F2: variants seen among roughly 807,000 people sequenced by gnomAD.
F2 encodes the protein coagulation factor II, thrombin.
A neutral mutation model predicts 81.9 loss-of-function variants in F2; 34 were observed. That is an observed-to-expected ratio of 0.42 (90% CI 0.32 to 0.55). F2 has a LOEUF of 0.55. Among genes scored for constraint, F2 ranks in the 20% least tolerant of loss-of-function variants. F2 has a pLI of 0.18. For missense variants in F2, 630 were observed against 833.4 expected (o/e 0.76, Z 3.00); for synonymous variants, 296 against 326.4 (o/e 0.91, Z 1.01).
chr11:46,730,128 C>T (rs1186282167), intron 12 of F2, among the ~76,000 whole-genome samples: 4 of 151,990 alleles, frequency 2.6e-5, no homozygotes, highest in Admixed American at 6.6e-5. Context: ...GGTGAAACCC[C>T]GTCTCTACTA....
Position 46,723,493 on chromosome 11 carries a change from G to A in F2, c.534G>A (p.Arg178=), listed in dbSNP as rs760307675. ...WCYTTDPTVR[R]QECSIPVCGQ... is the part of the protein sequence containing the mutation. ...ACACTACAGACCCCACCGTGAGGAG[G>A]CAGGAATGCAGCATCCCTGTCTGTG... is the stretch of plus-strand genomic sequence containing the variant. Residue 178 remains arginine, a synonymous_variant, in exon 6 of 14, where the codon AGG becomes AGA. Coordinates refer to ENST00000311907, the MANE Select transcript of F2 (RefSeq NM_000506.5). The surrounding 1 kb of genome is among the most constrained non-coding windows in gnomAD (Gnocchi z 5.6). 40 of 1,613,794 alleles carry A rather than the reference G, an allele frequency of 2.5e-5. No homozygotes were observed. The Admixed American group carries it at 6.7e-4, about 27-fold the overall frequency.
At chr11:46,732,022 TCTC>T (rs772026335) in intron 12 of F2, among the ~76,000 whole-genome samples, 4 of 150,988 alleles carry the variant, frequency 2.6e-5, no homozygotes, top group Non-Finnish European at 4.4e-5. Context: ...TTCAAGTGAT[TCTC>T]CTGCCTCAGC....
At chr11:46,730,197 G>A (rs1403763103) in intron 12 of F2, among the ~76,000 whole-genome samples, 1 of 151,016 alleles carries the variant, frequency 6.6e-6, no homozygotes, top group Non-Finnish European at 1.5e-5. Flanking sequence ...CTACTCAGGA[G>A]GCTGAGGCAG....
intron 12 of F2, among the ~76,000 whole-genome samples, chr11:46,736,663 G>T: frequency 6.6e-6 from 1 of 152,290 alleles, no homozygotes; most frequent in South Asian, 2.1e-4. Flanking sequence ...TGTTCGACTC[G>T]GCTTTCCTGG....
At chr11:46,736,203 AAATCAATC>A (rs3136528) in intron 12 of F2, among the ~76,000 whole-genome samples, 91 of 152,316 alleles carry the variant, frequency 6.0e-4, no homozygotes, top group Non-Finnish European at 7.4e-4. Flanking sequence ...CTCTATCTCA[AAATCAATC>A]AATCAATCAA....
In F2 at chr11:46,719,623, G is replaced by A. The variant is rs1377112772; in HGVS notation, c.80-79G>A. The A allele has an allele frequency of 3.3e-6, 5 of 1,526,718 alleles. No individual in the cohort carries two copies. In the East Asian group the frequency reaches 7.4e-5, roughly 22 times the overall value. The allele number at this position is 1,526,718 out of a possible 1,614,324, so 94.6% of individuals were successfully genotyped here. ...CTCAGAAGCCAGCAGGGGAGGGTGG[G>A]CTTGCTTCATGCCCCCAGAATGGCC... On this transcript the variant is annotated intron_variant, in intron 1 of 13. Transcript: ENST00000311907. The surrounding 1 kb of genome is among the most constrained non-coding windows in gnomAD (Gnocchi z 4.7).
rs201577861 is a variant in F2 at position 46,739,417 on chromosome 11, T to G, written c.*9T>G. On this transcript the variant is annotated 3_prime_UTR_variant, in exon 14 of 14. Coordinates refer to ENST00000311907, the MANE Select transcript of F2 (RefSeq NM_000506.5). The stretch of plus-strand genomic sequence containing the variant: ...ATCAGTTTGGAGAGTAGGGGGCCAC[T>G]CATATTCTGGGCTCCTGGAACCAAT... 7.8e-5 allele frequency: 126 copies of G among 1,614,032 alleles called. No homozygotes were observed. The highest frequency in any genetic ancestry group is 1.7e-4 in the Admixed American group (10 of 60,016).
At chr11:46,736,129 G>A in intron 12 of F2, among the ~76,000 whole-genome samples, 1 of 152,126 alleles carries the variant, frequency 6.6e-6, no homozygotes. Context: ...CTTGAACCTG[G>A]GAGGAGGAGG....
At chr11:46,729,870 G>A (rs1352974897) in intron 12 of F2, among the ~76,000 whole-genome samples, 3 of 152,134 alleles carry the variant, frequency 2.0e-5, no homozygotes, top group Non-Finnish European at 2.9e-5. Flanking sequence ...CGCCTATCAC[G>A]TTCCAGGCAG....
rs893432710 is a variant in F2 at position 46,723,037 on chromosome 11, G to T, written c.317-143G>T. ...TGTTGAGTGAATGGGAGAACTGCTG[G>T]TTGCAGAGGAAGAGGGGCTGGGTGA... On this transcript the variant is annotated intron_variant, in intron 4 of 13. Coordinates refer to ENST00000311907, the MANE Select transcript of F2 (RefSeq NM_000506.5). This position sits in a 1 kb window ranked among gnomAD's most constrained non-coding sequence, Gnocchi z 5.6. 46 of 789,446 alleles carry T rather than the reference G, an allele frequency of 5.8e-5. No homozygotes were observed. The African/African-American group carries it at 7.6e-4, about 13-fold the overall frequency. The allele number at this position is 789,446 out of a possible 1,614,324, so 48.9% of individuals were successfully genotyped here.
At chr11:46,732,439 G>A (rs1329834373) in intron 12 of F2, among the ~76,000 whole-genome samples, 1 of 150,584 alleles carries the variant, frequency 6.6e-6, no homozygotes, top group Non-Finnish European at 1.5e-5. Context: ...TGTTGCCCAG[G>A]CTGGATGGAG....
chr11:46,733,935 C>T (rs1462035688), intron 12 of F2, among the ~76,000 whole-genome samples: 6 of 151,512 alleles, frequency 4.0e-5, no homozygotes, highest in East Asian at 1.9e-4. Flanking sequence ...ACTCCAGGCG[C>T]GAGTCACCAT....
chr11:46,729,354 A>C, intron 11 of F2, 26 bp from the exon 12 acceptor site: 1 of 1,611,446 alleles, frequency 6.2e-7, no homozygotes, highest in Non-Finnish European at 8.5e-7. Context: ...GTTGGCTCTC[A>C]CTAGGCCCTT....
intron 6 of F2, among the ~76,000 whole-genome samples, chr11:46,725,062 GC>G (rs1193397068): frequency 1.5e-5 from 2 of 130,874 alleles, no homozygotes; most frequent in Non-Finnish European, 3.1e-5. Context: ...GAGGCACTGC[GC>G]CCGGCCTTTT....
At chr11:46,738,492 G>A (rs773911461) in intron 12 of F2, among the ~76,000 whole-genome samples, 1 of 148,272 alleles carries the variant, frequency 6.7e-6, no homozygotes, top group Non-Finnish European at 1.5e-5. Context: ...TAATTTTTTC[G>A]AGACAGGGTC....
intron 4 of F2, among the ~76,000 whole-genome samples, chr11:46,722,161 G>A (rs901097357): frequency 4.6e-5 from 7 of 152,092 alleles, no homozygotes; most frequent in Non-Finnish European, 1.5e-5. Flanking sequence ...GTTAAATTAC[G>A]TACTCAACAG....
rs201250208 is a variant in F2 at position 46,722,078 on chromosome 11, CAG to C, written c.317-1101_317-1100del. 2.5e-3 allele frequency among the ~76,000 whole-genome samples: 328 copies of C among 133,030 alleles called. No individual in the cohort carries two copies. In the East Asian group the frequency reaches 0.031, roughly 12 times the overall value. The allele number at this position is 133,030 out of a possible 152,430, so 87.3% of individuals were successfully genotyped here. A position where few individuals can be genotyped will look rare whatever the true frequency, so the allele number is the denominator to read the frequency against. On this transcript the variant is annotated intron_variant, in intron 4 of 13. Coordinates refer to ENST00000311907, the MANE Select transcript of F2 (RefSeq NM_000506.5). ...CAGGCTGGTCACAAACTCCTGACCT[CAG>C]GTGATCCACCAGCCTCAGCCTCCCA...
rs2064824026 is a variant in F2 at position 46,719,818 on chromosome 11, A to C, written c.196A>C (p.Ser66Arg). 2 of 1,589,168 alleles carry C rather than the reference A, an allele frequency of 1.3e-6. No individual in the cohort carries two copies. The highest frequency in any genetic ancestry group is 1.7e-6 in the Non-Finnish European group (2 of 1,168,610). The change falls in exon 2 of 14, where the codon AGC (serine) becomes CGC (arginine). Residue 66 changes from serine (S) to arginine (R), a missense_variant. By Grantham distance (110) the Ser-to-Arg change is moderately radical. Transcript: ENST00000311907. This position sits in a 1 kb window ranked among gnomAD's most constrained non-coding sequence, Gnocchi z 4.7. ...LERECVEETC[S>R]YEEAFEALES... ...GCGAGAGTGCGTGGAGGAGACGTGC[A>C]GCTACGAGGAGGCCTTCGAGGCTCT...
At position 46,728,207 on chromosome 11, in the gene F2, C is replaced by T. The variant is rs2064888945; in HGVS notation, c.1298+44C>T. 1 of 1,583,640 alleles carries T rather than the reference C, an allele frequency of 6.3e-7. No individual in the cohort carries two copies. Among genetic ancestry groups the T allele is most frequent in the African/African-American group, 1.3e-5 (1 of 74,602 alleles). ...GTGGGTGTCTGGCAGGGGTCTGAGT[C>T]CTCCAAAGCGATCATGAGGGGCCCT... On this transcript the variant is annotated intron_variant, in intron 10 of 13. Transcript: ENST00000311907. This position sits in a 1 kb window ranked among gnomAD's most constrained non-coding sequence, Gnocchi z 5.1.
Sources: gnomAD v4.1 joint callset for allele counts (sites outside exome capture counted in the v4.1 genomes callset) on GRCh38, gnomAD v4.1.1 for gene constraint, Gnocchi (gnomAD v3.1) non-coding constraint, MANE v1.5 for transcripts, NCBI Gene and HGNC (gene_info 2026-07-23, HGNC 2026-07-21) for gene names.